NDUFA8: variants seen among roughly 807,000 people sequenced by gnomAD.
NDUFA8 encodes NADH:ubiquinone oxidoreductase subunit A8.
Under a neutral mutation model 20.9 loss-of-function variants are expected in NDUFA8, and 16 were observed. The observed-to-expected ratio is 0.77, with a 90% confidence interval of 0.52 to 1.16. The LOEUF (loss-of-function observed/expected upper bound fraction) is 1.16, where lower values mean the gene tolerates loss of function less well. Ranked by LOEUF, NDUFA8 falls within the 50% of genes most tolerant of loss-of-function variation. The pLI is 0.00. For synonymous variants in NDUFA8, 70 were observed against 76.1 expected, an observed-to-expected ratio of 0.92 and a Z score of 0.41; for missense variants, 202 against 216.4, an observed-to-expected ratio of 0.93 and a Z score of 0.42.
intron 2 of NDUFA8, among the ~76,000 whole-genome samples, chr9:122,149,975 G>A (rs1230473121): frequency 6.6e-6 from 1 of 151,650 alleles, no homozygotes; most frequent in Admixed American, 6.6e-5. Flanking sequence ...AAGAAAAATT[G>A]TTTAAATAAA....
chr9:122,153,406 T>C (rs897235637), intron 1 of NDUFA8, among the ~76,000 whole-genome samples: 1 of 152,072 alleles, frequency 6.6e-6, no homozygotes, highest in South Asian at 2.1e-4. Context: ...CATCTAGTAA[T>C]AGTCCATCTA....
intron 1 of NDUFA8, among the ~76,000 whole-genome samples, chr9:122,155,219 A>G (rs1467006917): frequency 6.6e-6 from 1 of 152,140 alleles, no homozygotes; most frequent in Non-Finnish European, 1.5e-5. Context: ...AGCTGGGATT[A>G]CAGGCATGCG....
At chr9:122,158,700 T>C (rs943540433) in intron 1 of NDUFA8, among the ~76,000 whole-genome samples, 5 of 150,280 alleles carry the variant, frequency 3.3e-5, no homozygotes, top group African/African-American at 9.8e-5. Flanking sequence ...TGTGTGTGTA[T>C]ATATATATGG....
chr9:122,147,788 G>T (rs868468035), intron 3 of NDUFA8, among the ~76,000 whole-genome samples: 2 of 151,726 alleles, frequency 1.3e-5, no homozygotes, highest in Admixed American at 1.3e-4. Flanking sequence ...CACCACACCC[G>T]GCTAATTTTT....
chr9:122,135,127 CTGCCAGCCCCTCCCTCT>C, the NDUFA8 span, among the ~76,000 whole-genome samples: 2 of 152,188 alleles, frequency 1.3e-5, no homozygotes, highest in Admixed American at 6.5e-5. Flanking sequence ...GCTTTGTGTT[CTGCCAGCCCCTCCCTCT>C]TGCCTGGAAA....
At chr9:122,142,523 C>T (rs752529776), downstream of NDUFA8, among the ~76,000 whole-genome samples, 11 of 152,158 alleles carry the variant, frequency 7.2e-5, no homozygotes, top group African/African-American at 4.8e-5. Context: ...CTGAGAACCA[C>T]GCATGGCTTT....
At chr9:122,147,156 C>G (rs1459813077) in intron 3 of NDUFA8, among the ~76,000 whole-genome samples, 1 of 152,086 alleles carries the variant, frequency 6.6e-6, no homozygotes, top group East Asian at 1.9e-4. Flanking sequence ...CACATTGATC[C>G]ACCCTCCTCT....
chr9:122,157,405 G>T (rs955816291), intron 1 of NDUFA8, among the ~76,000 whole-genome samples: 1 of 152,190 alleles, frequency 6.6e-6, no homozygotes, highest in Non-Finnish European at 1.5e-5. Context: ...GTGACCGGCA[G>T]GTAGGCCTAG....
the NDUFA8 span, chr9:122,132,838 G>A: frequency 2.3e-6 from 1 of 438,340 alleles, no homozygotes; most frequent in African/African-American, 2.0e-5. Flanking sequence ...AGATGGGCCT[G>A]GCTTCACGCA....
chr9:122,149,865 G>A (rs557336767), intron 2 of NDUFA8, among the ~76,000 whole-genome samples: 3 of 152,222 alleles, frequency 2.0e-5, no homozygotes, highest in East Asian at 1.9e-4. Context: ...GCTGAGGCAC[G>A]AGAATCGCTT....
intron 1 of NDUFA8, among the ~76,000 whole-genome samples, chr9:122,155,229 G>A (rs1018407193): frequency 4.6e-5 from 7 of 152,154 alleles, no homozygotes. Context: ...ACAGGCATGC[G>A]CCACCACACC....
At chr9:122,141,303 C>T (rs779567764), downstream of NDUFA8, among the ~76,000 whole-genome samples, 5 of 151,998 alleles carry the variant, frequency 3.3e-5, no homozygotes, top group Admixed American at 2.0e-4. Flanking sequence ...AGCAGAGGCA[C>T]GTGGAGCAAA....
rs1304547544 is a variant in NDUFA8 at position 122,152,246 on chromosome 9, T to C, written c.214A>G (p.Arg72Gly). 6.2e-7 allele frequency: 1 copy of C among 1,614,042 alleles called. No individual in the cohort carries two copies. The highest frequency in any genetic ancestry group is 1.7e-5 in the Admixed American group (1 of 59,992). Residue 72 changes from arginine to glycine, a missense_variant and splice_region_variant, in exon 2 of 4, where the codon AGG becomes GGG. By Grantham distance (125) the Arg-to-Gly change is moderately radical. Transcript: ENST00000373768. The stretch of plus-strand genomic sequence containing the variant: ...GGCACTGATACCAAAGATTTTTACC[T>C]AAAGAAGTCCAAAGCACACTTGTTG... ...LVNKCALDFF[R>G]QIKRHCAEPF...
chr9:122,139,207 C>T (rs1828785520), downstream of NDUFA8, among the ~76,000 whole-genome samples: 1 of 152,200 alleles, frequency 6.6e-6, no homozygotes, highest in Non-Finnish European at 1.5e-5. Context: ...GGTTTTGCTC[C>T]TGCCAAAAGG....
At chr9:122,141,591 G>C (rs1828822017), downstream of NDUFA8, among the ~76,000 whole-genome samples, 2 of 152,200 alleles carry the variant, frequency 1.3e-5, no homozygotes, top group Admixed American at 1.3e-4. Context: ...AGGCTTGGCA[G>C]AGGAAAGGAG....
chr9:122,142,569 C>T (rs367711592), downstream of NDUFA8, among the ~76,000 whole-genome samples: 27 of 152,300 alleles, frequency 1.8e-4, no homozygotes, highest in African/African-American at 6.5e-4. Flanking sequence ...ACCAGACAAT[C>T]TTTACTTGTA....
At chr9:122,158,877 A>G (rs16911506) in intron 1 of NDUFA8, among the ~76,000 whole-genome samples, 9,780 of 151,718 alleles carry the variant, frequency 0.064, 1,062 homozygotes, top group African/African-American at 0.23. Flanking sequence ...ATGGAAAGTA[A>G]TTAGCATCCT....
At position 122,148,292 on chromosome 9, in the gene NDUFA8, T is replaced by C; in HGVS notation, c.216-15A>G. 6.2e-7 allele frequency: 1 copy of C among 1,613,968 alleles called. No individual in the cohort carries two copies. The highest frequency in any genetic ancestry group is 1.1e-5 in the South Asian group (1 of 91,058). ...GTTTTATCTGCCTGGAAAAGAAAGCTGGGTTAGGGGCATCTCTTTGCAAAA... is the reference window on the plus strand; with the variant it reads ...GTTTTATCTGCCTGGAAAAGAAAGCCGGGTTAGGGGCATCTCTTTGCAAAA... On this transcript the variant is annotated splice_polypyrimidine_tract_variant and intron_variant, in intron 2 of 3. Transcript: ENST00000373768.
Position 122,154,417 on chromosome 9 carries a change from G to A in NDUFA8, c.52-2009C>T, listed in dbSNP as rs114554830. Among the ~76,000 whole-genome samples, 914 of 152,148 alleles carry A rather than the reference G, an allele frequency of 6.0e-3. 8 individuals are homozygous for A. Among genetic ancestry groups the A allele is most frequent in the African/African-American group, 0.02 (851 of 41,518 alleles). ...TTAAAACTAGTTTCCTTCATTATAG[G>A]GACCTTGAACATTTCTTGTTTATTC... On this transcript the variant is annotated intron_variant, in intron 1 of 3. Transcript: ENST00000373768.
Sources: allele counts gnomAD v4.1 joint callset (sites outside exome capture counted in the v4.1 genomes callset), GRCh38; gene constraint gnomAD v4.1.1; transcripts MANE v1.5; gene names NCBI Gene and HGNC (gene_info 2026-07-23, HGNC 2026-07-21).